Variants in SMO observed in about 807,000 individuals in gnomAD.
SMO encodes the protein smoothened, frizzled class receptor, also known as protein smoothened.
SMO carries 40 observed loss-of-function variants against 81.6 expected under a neutral mutation model. The ratio of observed to expected loss-of-function variants is 0.49; its 90% CI spans 0.38 to 0.64. SMO has a LOEUF of 0.64. Among genes scored for constraint, SMO ranks in the 30% least tolerant of loss-of-function variants. The probability of loss-of-function intolerance (pLI) is 0.00; values close to 1 mark genes in which losing one functional copy is unlikely to be tolerated. For missense variants in SMO, 916 were observed against 1,061.1 expected, an observed-to-expected ratio of 0.86 and a Z score of 1.90; for synonymous variants, 434 against 432.1, an observed-to-expected ratio of 1.00 and a Z score of -0.05.
At chr7:129,204,599 T>C (rs1793727377) in intron 2 of SMO, among the ~76,000 whole-genome samples, 1 of 152,102 alleles carries the variant, frequency 6.6e-6, no homozygotes, top group Non-Finnish European at 1.5e-5. Context: ...TGAGCCAAGA[T>C]TGTGCCATTG....
rs1189276452 is a variant in SMO at position 129,189,357 on chromosome 7, C to A, written c.206C>A (p.Pro69His). ...PPLSHCGRAAPCEPLRYNVCL... is the reference protein window; with the variant it reads ...PPLSHCGRAAHCEPLRYNVCL... ...CTGAGCCACTGCGGCCGGGCTGCCC[C>A]CTGCGAGCCGCTGCGCTACAACGTG... The change falls in exon 1 of 12, where the codon CCC becomes CAC. Residue 69 changes from proline (P) to histidine (H), a missense_variant. Physicochemically the swap from Pro to His is moderately conservative, Grantham distance 77 (BLOSUM62 -2). This residue lies in a region of SMO where 146 missense variants were observed against 149.9 expected (regional missense o/e 0.97). Coordinates refer to ENST00000249373, the MANE Select transcript of SMO (RefSeq NM_005631.5). This position sits in a 1 kb window ranked among gnomAD's most constrained non-coding sequence, Gnocchi z 4.7. 2.6e-6 allele frequency: 4 copies of A among 1,529,426 alleles called. No individual in the cohort carries two copies. Among genetic ancestry groups the A allele is most frequent in the African/African-American group, 2.8e-5 (2 of 71,964 alleles). The allele number at this position is 1,529,426 out of a possible 1,614,324, so 94.7% of individuals were successfully genotyped here.
At chr7:129,197,560 T>C (rs1257962806) in intron 1 of SMO, among the ~76,000 whole-genome samples, 2 of 152,120 alleles carry the variant, frequency 1.3e-5, no homozygotes, top group Non-Finnish European at 2.9e-5. Context: ...CCCAAGTATC[T>C]GGGACTACAG....
At position 129,189,610 on chromosome 7, in the gene SMO, A is replaced by G. The variant is rs1442462950; in HGVS notation, c.331+128A>G. On this transcript the variant is annotated intron_variant, in intron 1 of 11. Coordinates refer to ENST00000249373, the MANE Select transcript of SMO (RefSeq NM_005631.5). The surrounding 1 kb of genome is among the most constrained non-coding windows in gnomAD (Gnocchi z 4.7). ...GACAGCACCCGGGAGAGTTGGAGGG[A>G]CAGATCCCGAAACTTTGGGGGCAGG... is the stretch of plus-strand genomic sequence containing the variant. The G allele has an allele frequency of 8.7e-6, 9 of 1,031,178 alleles. No individual in the cohort carries two copies. The highest frequency in any genetic ancestry group is 1.2e-5 in the Non-Finnish European group (9 of 724,482). The allele number at this position is 1,031,178 out of a possible 1,614,324, so 63.9% of individuals were successfully genotyped here.
rs547299391 is a variant in SMO, at chr7:129,211,916, G to A, written c.1937-108G>A. 8.8e-5 allele frequency: 124 copies of A among 1,414,792 alleles called. No homozygotes were observed. Among genetic ancestry groups the A allele is most frequent in the Admixed American group, 4.1e-4 (20 of 48,376 alleles). The allele number at this position is 1,414,792 out of a possible 1,614,324, so 87.6% of individuals were successfully genotyped here. ...GAAGAGTGGGGCTGAGGCTCTAAGAGTCTAGAGACCTGGGCCCCAGAACTA... is the reference window on the plus strand; with the variant it reads ...GAAGAGTGGGGCTGAGGCTCTAAGAATCTAGAGACCTGGGCCCCAGAACTA... On this transcript the variant is annotated intron_variant, in intron 11 of 11. Transcript: ENST00000249373. This position sits in a 1 kb window ranked among gnomAD's most constrained non-coding sequence, Gnocchi z 4.6.
At chr7:129,196,709 T>G (rs1175121794) in intron 1 of SMO, among the ~76,000 whole-genome samples, 2 of 152,154 alleles carry the variant, frequency 1.3e-5, no homozygotes, top group Admixed American at 1.3e-4. Context: ...TTCACTTTGT[T>G]TGTTGCTGAC....
rs1162682212 is a variant in SMO, at chr7:129,206,101, A to T, written c.921-49A>T. The T allele has an allele frequency of 7.1e-7, 1 of 1,413,322 alleles. No homozygotes were observed. The highest frequency in any genetic ancestry group is 9.8e-7 in the Non-Finnish European group (1 of 1,020,738). The allele number at this position is 1,413,322 out of a possible 1,614,324, so 87.5% of individuals were successfully genotyped here. A position where few individuals can be genotyped will look rare whatever the true frequency, so the allele number is the denominator to read the frequency against. ...GGCACAGGGTGGGGAGACCAGGTAG[A>T]GGGAGTACAGAGTGACCGCCTCAAG... On this transcript the variant is annotated intron_variant, in intron 4 of 11. Coordinates refer to ENST00000249373, the MANE Select transcript of SMO (RefSeq NM_005631.5). The surrounding 1 kb of genome is among the most constrained non-coding windows in gnomAD (Gnocchi z 4.4).
chr7:129,202,576 T>C (rs1793688404), intron 1 of SMO, among the ~76,000 whole-genome samples: 1 of 152,202 alleles, frequency 6.6e-6, no homozygotes. Context: ...GATTGCCGCC[T>C]GTTTCTGTCT....
At chr7:129,202,628 C>T (rs1292618840) in intron 1 of SMO, among the ~76,000 whole-genome samples, 1 of 152,276 alleles carries the variant, frequency 6.6e-6, no homozygotes, top group East Asian at 1.9e-4. Flanking sequence ...GACAGAGCCT[C>T]TTCTGTTCCT....
chr7:129,212,177 C>G lies in SMO; in HGVS notation c.2090C>G (p.Ala697Gly), dbSNP rs779110649. The G allele has an allele frequency of 6.4e-7, 1 of 1,556,334 alleles. No individual in the cohort carries two copies. The highest frequency in any genetic ancestry group is 8.7e-7 in the Non-Finnish European group (1 of 1,149,818). The change falls in exon 12 of 12, where the codon GCC becomes GGC. Residue 697 changes from alanine to glycine, a missense_variant. By Grantham distance (60) the Ala-to-Gly change is moderately conservative. This residue lies in a region of SMO where 324 missense variants were observed against 312.9 expected (regional missense o/e 1.04). Coordinates refer to ENST00000249373, the MANE Select transcript of SMO (RefSeq NM_005631.5). This position sits in a 1 kb window ranked among gnomAD's most constrained non-coding sequence, Gnocchi z 5.0. ...PPPELHPPAP[A>G]PSTIPRLPQL... is the part of the protein sequence containing the mutation. ...CCTGAGCTTCACCCCCCTGCCCCTG[C>G]CCCCAGTACCATTCCTCGACTGCCT...
rs1793436929 is a variant in SMO, at chr7:129,188,925, G to T, written c.-227G>T. Reference sequence around the variant, plus strand: ...TAGGGCTTGGGGAGTCGTGCATCCCGTTCCGGGCCTCCGCAGCCCAACATG... The same window carrying T: ...TAGGGCTTGGGGAGTCGTGCATCCCTTTCCGGGCCTCCGCAGCCCAACATG... On this transcript the variant is annotated 5_prime_UTR_variant, in exon 1 of 12. Transcript: ENST00000249373. This position sits in a 1 kb window ranked among gnomAD's most constrained non-coding sequence, Gnocchi z 4.9. 5.8e-6 allele frequency: 2 copies of T among 343,498 alleles called. No individual in the cohort carries two copies. Among genetic ancestry groups the T allele is most frequent in the Non-Finnish European group, 1.0e-5 (2 of 190,720 alleles). 21.3% of individuals were successfully genotyped at this position (343,498 alleles called of 1,614,324 possible). A position where few individuals can be genotyped will look rare whatever the true frequency, so the allele number is the denominator to read the frequency against.
At position 129,208,643 on chromosome 7, in the gene SMO, C is replaced by T; in HGVS notation, c.1265-116C>T. ...TCTAGCTCCCCAGGTTTTCATTTAG[C>T]ACAGGGGTAATCAGACTTGGGACTC... On this transcript the variant is annotated intron_variant, in intron 6 of 11. Transcript: ENST00000249373. The surrounding 1 kb of genome is among the most constrained non-coding windows in gnomAD (Gnocchi z 5.2). 1 of 660,530 alleles carries T rather than the reference C, an allele frequency of 1.5e-6. No individual in the cohort carries two copies. The highest frequency in any genetic ancestry group is 2.8e-6 in the Non-Finnish European group (1 of 359,264). The allele number at this position is 660,530 out of a possible 1,614,324, so 40.9% of individuals were successfully genotyped here.
chr7:129,211,777 G>C lies in SMO; in HGVS notation c.1936+7G>C, dbSNP rs2150655847. The C allele has an allele frequency of 6.2e-7, 1 of 1,614,036 alleles. No homozygotes were observed. The highest frequency in any genetic ancestry group is 8.5e-7 in the Non-Finnish European group (1 of 1,179,956). ...ACCCCTGTGGCAACTCCAGGTATGA[G>C]AGTTCAAGCTTCTGGAGGAAGGTGG... On this transcript the variant is annotated splice_region_variant and intron_variant, in intron 11 of 11. Coordinates refer to ENST00000249373, the MANE Select transcript of SMO (RefSeq NM_005631.5). This position sits in a 1 kb window ranked among gnomAD's most constrained non-coding sequence, Gnocchi z 4.6.
Position 129,212,477 on chromosome 7 carries a change from G to A in SMO, c.*26G>A. ...GCCTGCAGAGCAGGACCTGGGACAG[G>A]AAAGAGAGGAACCAATACCTTCAAG... On this transcript the variant is annotated 3_prime_UTR_variant, in exon 12 of 12. Transcript: ENST00000249373. This position sits in a 1 kb window ranked among gnomAD's most constrained non-coding sequence, Gnocchi z 5.0. The A allele has an allele frequency of 6.3e-7, 1 of 1,594,228 alleles. No individual in the cohort carries two copies. The highest frequency in any genetic ancestry group is 8.6e-7 in the Non-Finnish European group (1 of 1,166,808).
intron 3 of SMO, 58 bp from the exon 4 acceptor site, chr7:129,205,552 G>A (rs2150648823): frequency 6.4e-7 from 1 of 1,552,738 alleles, no homozygotes; most frequent in Middle Eastern, 1.7e-4. Flanking sequence ...TCAGTTAAGG[G>A]TGTCTGTGTC....
At position 129,208,795 on chromosome 7, in the gene SMO, C is replaced by A. The variant is rs2150652259; in HGVS notation, c.1301C>A (p.Pro434His). The A allele has an allele frequency of 5.0e-6, 8 of 1,613,908 alleles. No homozygotes were observed. Among genetic ancestry groups the A allele is most frequent in the Non-Finnish European group, 6.8e-6 (8 of 1,179,860 alleles). Residue 434 changes from proline (P) to histidine (H), a missense_variant, in exon 7 of 12, where the codon CCC becomes CAC. Pro to His is a moderately conservative substitution (Grantham distance 77). Transcript: ENST00000249373. This position sits in a 1 kb window ranked among gnomAD's most constrained non-coding sequence, Gnocchi z 5.2. ...CTGTTCTCCATCAAGAGCAACCACC[C>A]CGGGCTGCTGAGTGAGAAGGCTGCC... ...MTLFSIKSNHPGLLSEKAASK... is the reference protein window; with the variant it reads ...MTLFSIKSNHHGLLSEKAASK...
At chr7:129,200,234 G>A (rs546608161) in intron 1 of SMO, among the ~76,000 whole-genome samples, 16 of 152,050 alleles carry the variant, frequency 1.1e-4, no homozygotes, top group Non-Finnish European at 2.4e-4. Flanking sequence ...TGGCTAACAC[G>A]GTGAACCCCC....
At chr7:129,204,123 A>T (rs1387665394) in intron 2 of SMO, among the ~76,000 whole-genome samples, 2 of 152,220 alleles carry the variant, frequency 1.3e-5, no homozygotes, top group East Asian at 3.9e-4. Context: ...ACCTGAAGTC[A>T]GGAGTTCCAG....
chr7:129,195,733 T>C (rs145787632), intron 1 of SMO, among the ~76,000 whole-genome samples: 50 of 152,244 alleles, frequency 3.3e-4, no homozygotes, highest in African/African-American at 1.1e-3. Flanking sequence ...ATTATAAGCA[T>C]TGACATTATT....
Position 129,210,222 on chromosome 7 carries a change from C to G in SMO, c.1467-141C>G, listed in dbSNP as rs768854627. 1.5e-6 allele frequency: 1 copy of G among 658,362 alleles called. No homozygotes were observed. Among genetic ancestry groups the G allele is most frequent in the Non-Finnish European group, 2.6e-6 (1 of 382,230 alleles). 40.8% of individuals were successfully genotyped at this position (658,362 alleles called of 1,614,324 possible). A position where few individuals can be genotyped will look rare whatever the true frequency, so the allele number is the denominator to read the frequency against. On this transcript the variant is annotated intron_variant, in intron 8 of 11. Coordinates refer to ENST00000249373, the MANE Select transcript of SMO (RefSeq NM_005631.5). The surrounding 1 kb of genome is among the most constrained non-coding windows in gnomAD (Gnocchi z 4.7). ...TTGGGAGGCTGAAGCAGGAGATTGC[C>G]TGAGCCCAGGAGTTGGAAGCTGCAG...
Sources: allele counts gnomAD v4.1 joint callset (sites outside exome capture counted in the v4.1 genomes callset), GRCh38; gene constraint gnomAD v4.1.1; regional missense constraint gnomAD v4.1.1; non-coding constraint Gnocchi (gnomAD v3.1); transcripts MANE v1.5; gene names NCBI Gene and HGNC (gene_info 2026-07-23, HGNC 2026-07-21).